PEAK1: variants seen among roughly 807,000 people sequenced by gnomAD.
PEAK1 encodes inactive tyrosine-protein kinase PEAK1.
PEAK1 carries 54 observed loss-of-function variants against 124.7 expected under a neutral mutation model. The ratio of observed to expected loss-of-function variants is 0.43; its 90% CI spans 0.35 to 0.54. PEAK1 has a LOEUF of 0.54. PEAK1 is among the 20% of genes least tolerant of loss of function. PEAK1 has a pLI of 0.01. For missense variants in PEAK1, 2,046 were observed against 2,134.5 expected (o/e 0.96, Z 0.82); for synonymous variants, 719 against 760.0 (o/e 0.95, Z 0.89).
chr15:77,403,305 A>C, intron 1 of PEAK1: 1 of 966,546 alleles, frequency 1.0e-6, no homozygotes, highest in Non-Finnish European at 1.2e-6. Context: ...AGAGACATTT[A>C]AGTGCTAAAC....
At chr15:77,352,253 G>A (rs573569929) in intron 2 of PEAK1, 244 of 985,366 alleles carry the variant, frequency 2.5e-4, no homozygotes, top group Non-Finnish European at 2.9e-4. Flanking sequence ...CAAGGCAGTA[G>A]GATTTGGTCC....
downstream of PEAK1, chr15:77,104,356 C>T (rs1311996995): frequency 1.3e-5 from 2 of 152,686 alleles, no homozygotes; most frequent in African/African-American, 4.8e-5. Context: ...CCATGGCCTC[C>T]CTGGAGGAGC....
At chr15:77,332,302 T>C (rs890533940) in intron 2 of PEAK1, 2 of 984,902 alleles carry the variant, frequency 2.0e-6, no homozygotes, top group African/African-American at 1.8e-5. Context: ...ATTTTTTGTT[T>C]GTTGAAAAAT....
intron 2 of PEAK1, among the ~76,000 whole-genome samples, chr15:77,295,074 A>G (rs1441130916): frequency 6.6e-6 from 1 of 152,184 alleles, no homozygotes; most frequent in African/African-American, 2.4e-5. Context: ...GTAATAAATA[A>G]AACAGTAGAA....
intron 6 of PEAK1, among the ~76,000 whole-genome samples, chr15:77,246,771 G>A (rs2060609004): frequency 6.6e-6 from 1 of 152,172 alleles, no homozygotes; most frequent in Non-Finnish European, 1.5e-5. Flanking sequence ...TGCAATCCCA[G>A]CACTTTGGGA....
At chr15:77,346,084 G>A (rs1567288255) in intron 2 of PEAK1, 16 of 985,358 alleles carry the variant, frequency 1.6e-5, no homozygotes, top group South Asian at 4.7e-5. Flanking sequence ...AAGGCACAAC[G>A]ACTATGCCAT....
intron 2 of PEAK1, among the ~76,000 whole-genome samples, chr15:77,354,575 T>A (rs891457726): frequency 6.6e-6 from 1 of 152,198 alleles, no homozygotes; most frequent in Non-Finnish European, 1.5e-5. Flanking sequence ...TACTTTGTGA[T>A]CTGGCCTTTC....
chr15:77,332,209 C>A, intron 2 of PEAK1: 2 of 978,312 alleles, frequency 2.0e-6, no homozygotes, highest in Non-Finnish European at 2.4e-6. Flanking sequence ...ACTAACAATG[C>A]ATATGTGAGT....
chr15:77,355,465 C>G (rs1232990402), intron 2 of PEAK1, among the ~76,000 whole-genome samples: 1 of 152,174 alleles, frequency 6.6e-6, no homozygotes, highest in Non-Finnish European at 1.5e-5. Flanking sequence ...AGAAGAGGAG[C>G]GACTTTAAGT....
At chr15:77,249,144 T>C (rs1596867420) in intron 6 of PEAK1, among the ~76,000 whole-genome samples, 1 of 152,100 alleles carries the variant, frequency 6.6e-6, no homozygotes, top group East Asian at 1.9e-4. Flanking sequence ...TGAAATTTTT[T>C]TTTTTTCTGG....
chr15:77,206,838 C>T (rs1165741475), intron 6 of PEAK1, among the ~76,000 whole-genome samples: 5 of 152,018 alleles, frequency 3.3e-5, no homozygotes, highest in East Asian at 1.9e-4. Context: ...TTAATTAGAT[C>T]GCATCACACT....
intron 2 of PEAK1, among the ~76,000 whole-genome samples, chr15:77,358,588 T>A (rs555176411): frequency 6.6e-6 from 1 of 152,328 alleles, no homozygotes; most frequent in South Asian, 2.1e-4. Context: ...CTCCCGGCTC[T>A]CCACTGAGCA....
chr15:77,250,166 C>T (rs1384329947), intron 6 of PEAK1, among the ~76,000 whole-genome samples: 2 of 131,798 alleles, frequency 1.5e-5, no homozygotes, highest in Non-Finnish European at 3.1e-5. Context: ...CATATATATA[C>T]ATATATATGT....
chr15:77,276,276 C>T (rs936122959), intron 5 of PEAK1, among the ~76,000 whole-genome samples: 1 of 152,220 alleles, frequency 6.6e-6, no homozygotes, highest in Non-Finnish European at 1.5e-5. Flanking sequence ...CAAATCAATC[C>T]AGGCCAAAAC....
At chr15:77,236,301 A>AAAG (rs1242025420) in intron 6 of PEAK1, among the ~76,000 whole-genome samples, 1 of 152,246 alleles carries the variant, frequency 6.6e-6, no homozygotes, top group African/African-American at 2.4e-5. Flanking sequence ...CAGAGGCAGG[A>AAAG]CTACCCAAGG....
chr15:77,278,690 A>G, intron 5 of PEAK1: 1 of 520,024 alleles, frequency 1.9e-6, no homozygotes, highest in Non-Finnish European at 3.8e-6. Flanking sequence ...TGGAGATGCC[A>G]AAACAGACCA....
At chr15:77,420,702 G>T (rs1280725458), upstream of PEAK1, 3 of 391,982 alleles carry the variant, frequency 7.7e-6, no homozygotes, top group African/African-American at 2.1e-5. Context: ...GTCCTTCGCC[G>T]CATTGGGGCA....
intron 5 of PEAK1, among the ~76,000 whole-genome samples, chr15:77,260,441 C>A (rs1040530224): frequency 6.6e-6 from 1 of 151,272 alleles, no homozygotes. Context: ...AGAAAGAAAC[C>A]CAGAAATGAT....
chr15:77,420,758 T>C (rs1428926219), upstream of PEAK1: 2 of 397,934 alleles, frequency 5.0e-6, no homozygotes, highest in Non-Finnish European at 8.9e-6. Context: ...AAATATTTCA[T>C]TTTTCTTCTC....
Sources: allele counts gnomAD v4.1 joint callset (sites outside exome capture counted in the v4.1 genomes callset), GRCh38; gene constraint gnomAD v4.1.1; transcripts MANE v1.5; gene names NCBI Gene and HGNC (gene_info 2026-07-23, HGNC 2026-07-21).